Variants in NCOR2 observed in about 807,000 individuals in gnomAD.
The protein encoded by NCOR2 is nuclear receptor corepressor 2.
A neutral mutation model predicts 262.9 loss-of-function variants in NCOR2; 81 were observed. That is an observed-to-expected ratio of 0.31 (90% confidence interval 0.26 to 0.37). NCOR2 has a LOEUF of 0.37. Ranked by LOEUF, NCOR2 falls within the 10% of genes least tolerant of loss-of-function variation. The pLI is 1.00. For missense variants in NCOR2, 3,385 were observed against 3,621.4 expected, an observed-to-expected ratio of 0.93 and a Z score of 1.68; for synonymous variants, 1,659 against 1,559.3, an observed-to-expected ratio of 1.06 and a Z score of -1.51.
intron 1 of NCOR2, among the ~76,000 whole-genome samples, chr12:124,540,984 T>G (rs1566041368): frequency 1.7e-3 from 2 of 1,178 alleles, no homozygotes; most frequent in African/African-American, 6.3e-3. Context: ...GAGGGGGATC[T>G]GGGGTGAAGA....
chr12:124,463,595 G>A (rs1013228656), intron 5 of NCOR2, among the ~76,000 whole-genome samples: 5 of 152,250 alleles, frequency 3.3e-5, no homozygotes, highest in Non-Finnish European at 5.9e-5. Flanking sequence ...ACTGCCAGGC[G>A]GGCCCTGCCC....
chr12:124,538,107 A>C (rs1029537473), upstream of NCOR2: 1 of 152,440 alleles, frequency 6.6e-6, no homozygotes, highest in African/African-American at 2.4e-5. Flanking sequence ...TCCACCTGGG[A>C]GAGACAGCTG....
chr12:124,396,768 G>A (rs1192139535), intron 16 of NCOR2, among the ~76,000 whole-genome samples: 1 of 152,166 alleles, frequency 6.6e-6, no homozygotes, highest in African/African-American at 2.4e-5. Flanking sequence ...TCTCAGGGCT[G>A]TGGGGACCCT....
chr12:124,489,345 C>A (rs772780161), intron 1 of NCOR2, among the ~76,000 whole-genome samples: 5 of 152,242 alleles, frequency 3.3e-5, no homozygotes, highest in Non-Finnish European at 4.4e-5. Context: ...TTCATCCCTA[C>A]AGCAACCCTG....
chr12:124,430,562 G>GGA lies in NCOR2; in HGVS notation c.1055+51_1055+52dup. ...CCAGGCCATCTCTACTGAGGATGCT[G>GGA]GAGCTGACCCCGGGCCCTGACGTCG... On this transcript the variant is annotated intron_variant, in intron 9 of 46. Transcript: ENST00000405201. 1.3e-5 allele frequency: 20 copies of GGA among 1,555,482 alleles called. No individual in the cohort carries two copies. In the South Asian group the frequency reaches 2.2e-4, roughly 17 times the overall value.
chr12:124,551,764 C>T (rs2051720381), intron 1 of NCOR2, among the ~76,000 whole-genome samples: 1 of 152,178 alleles, frequency 6.6e-6, no homozygotes, highest in African/African-American at 2.4e-5. Flanking sequence ...CATGCAGGCC[C>T]AGAGGCCTGG....
chr12:124,369,970 C>T (rs900766090), intron 20 of NCOR2, among the ~76,000 whole-genome samples: 1 of 152,218 alleles, frequency 6.6e-6, no homozygotes, highest in African/African-American at 2.4e-5. Context: ...ACCCAAAATA[C>T]AGACTCTGGG....
intron 34 of NCOR2, among the ~76,000 whole-genome samples, chr12:124,341,347 C>T (rs1211852379): frequency 1.3e-5 from 2 of 151,988 alleles, no homozygotes; most frequent in South Asian, 4.1e-4. Flanking sequence ...TCAAGTGATT[C>T]TCTTGCCTCA....
chr12:124,519,089 T>TACACACACATACACAC (rs1555236048), intron 1 of NCOR2, among the ~76,000 whole-genome samples: 4 of 97,320 alleles, frequency 4.1e-5, no homozygotes, highest in East Asian at 3.3e-4. Context: ...GGCCAAATAA[T>TACACACACATACACAC]ACACACACAC....
At chr12:124,560,062 G>C (rs1011271729) in intron 1 of NCOR2, among the ~76,000 whole-genome samples, 4 of 152,220 alleles carry the variant, frequency 2.6e-5, no homozygotes, top group African/African-American at 9.6e-5. Context: ...GCCCAGGCTA[G>C]AAGGAGGGGT....
chr12:124,377,472 C>T (rs1035815131), intron 18 of NCOR2, among the ~76,000 whole-genome samples: 4 of 152,208 alleles, frequency 2.6e-5, no homozygotes, highest in Non-Finnish European at 5.9e-5. Context: ...AACTATATAA[C>T]TTGTACAATA....
Position 124,430,846 on chromosome 12 carries a change from C to A in NCOR2, c.883-59G>T, listed in dbSNP as rs1380892988. On this transcript the variant is annotated intron_variant, in intron 8 of 46. Coordinates refer to ENST00000405201, the Ensembl canonical transcript of NCOR2. The stretch of plus-strand genomic sequence containing the variant: ...TCCTGCACCTGGCACCCGCCGCCTC[C>A]CCCCTGCCCACTCACATGCAGGCAG... 4 of 1,535,992 alleles carry A rather than the reference C, an allele frequency of 2.6e-6. No individual in the cohort carries two copies. The African/African-American group carries it at 5.5e-5, about 21-fold the overall frequency.
At chr12:124,448,137 T>C (rs1212168455) in intron 7 of NCOR2, among the ~76,000 whole-genome samples, 1 of 152,178 alleles carries the variant, frequency 6.6e-6, no homozygotes, top group Non-Finnish European at 1.5e-5. Flanking sequence ...AGGCTCTCAA[T>C]AAAGATGGGA....
chr12:124,390,348 C>T (rs770418953), intron 16 of NCOR2, among the ~76,000 whole-genome samples: 3 of 152,216 alleles, frequency 2.0e-5, no homozygotes, highest in Non-Finnish European at 2.9e-5. Flanking sequence ...CGTGTGTGCC[C>T]CAGGGCCTTT....
Position 124,483,635 on chromosome 12 carries a change from C to T in NCOR2, c.372G>A (p.Leu124=), listed in dbSNP as rs1429726374. 1 of 1,610,488 alleles carries T rather than the reference C, an allele frequency of 6.2e-7. No homozygotes were observed. Among genetic ancestry groups the T allele is most frequent in the Non-Finnish European group, 8.5e-7 (1 of 1,178,564 alleles). The change falls in exon 3 of 47, where the codon CTG becomes CTA. Residue 124 remains leucine (L), a synonymous_variant. Transcript: ENST00000405201. The surrounding 1 kb of genome is among the most constrained non-coding windows in gnomAD (Gnocchi z 6.3). ...CAGATCCCGCAGGCTGGCCCGTGGC[C>T]AGCAGGGGTGACGGTCGCAGCAGGG...
At chr12:124,334,991 CGCCCTGGATCCCCCCAGCGCCAT>C (rs2035754901) in intron 40 of NCOR2, 121 bp downstream of exon 42, 68 of 1,254,692 alleles carry the variant, frequency 5.4e-5, no homozygotes, top group Non-Finnish European at 7.2e-5. Flanking sequence ...CCCTCACCCA[CGCCCTGGATCCCCCCAGCGCCAT>C]GCCCTGGATC....
At chr12:124,423,968 T>C (rs2043378485) in intron 11 of NCOR2, among the ~76,000 whole-genome samples, 1 of 152,178 alleles carries the variant, frequency 6.6e-6, no homozygotes, top group African/African-American at 2.4e-5. Flanking sequence ...GTGCTATCAA[T>C]TCCTCTGCAC....
chr12:124,333,401 T>G (rs2035399705), intron 41 of NCOR2, 122 bp from the exon 44 acceptor site: 1 of 931,930 alleles, frequency 1.1e-6, no homozygotes, highest in South Asian at 3.5e-5. Context: ...CATAAACGTT[T>G]TAGGCATTTT....
chr12:124,483,850 C>T lies in NCOR2; in HGVS notation c.234-77G>A, dbSNP rs1357074371. On this transcript the variant is annotated intron_variant, in intron 2 of 46. Transcript: ENST00000405201. This position sits in a 1 kb window ranked among gnomAD's most constrained non-coding sequence, Gnocchi z 6.3. ...CTCCCGAGGCCCCGACCACCCTCTG[C>T]GCCGAGCATCTACTGCGCGCCGTGC... The T allele has an allele frequency of 1.5e-5, 21 of 1,425,730 alleles. No individual in the cohort carries two copies. The Admixed American group carries it at 1.5e-4, about 10-fold the overall frequency. The allele number at this position is 1,425,730 out of a possible 1,614,324, so 88.3% of individuals were successfully genotyped here. A position where few individuals can be genotyped will look rare whatever the true frequency, so the allele number is the denominator to read the frequency against.
Sources: gnomAD v4.1 joint callset for allele counts (sites outside exome capture counted in the v4.1 genomes callset) on GRCh38, gnomAD v4.1.1 for gene constraint, Gnocchi (gnomAD v3.1) non-coding constraint, MANE v1.5 for transcripts, NCBI Gene and HGNC (gene_info 2026-07-23, HGNC 2026-07-21) for gene names.